TNR: variants seen among roughly 807,000 people sequenced by gnomAD.
TNR encodes the protein tenascin-R.
Under a neutral mutation model 150.4 loss-of-function variants are expected in TNR, and 45 were observed. That is an observed-to-expected ratio of 0.30 (90% confidence interval 0.24 to 0.38). TNR has a LOEUF of 0.38. Ranked by LOEUF, TNR falls within the 10% of genes least tolerant of loss-of-function variation. The pLI, the probability that TNR is intolerant of heterozygous loss-of-function variation, is 1.00. For synonymous variants in TNR, 687 were observed against 678.4 expected (o/e 1.01, Z -0.20); for missense variants, 1,544 against 1,759.1 (o/e 0.88, Z 2.19).
At chr1:175,367,859 G>A (rs999052330) in intron 9 of TNR, among the ~76,000 whole-genome samples, 5 of 152,132 alleles carry the variant, frequency 3.3e-5, no homozygotes, top group African/African-American at 4.8e-5. Flanking sequence ...CAGAAGTCCT[G>A]TTGCTGTAGG....
At chr1:175,454,000 T>C (rs1470544789) in intron 2 of TNR, among the ~76,000 whole-genome samples, 2 of 152,220 alleles carry the variant, frequency 1.3e-5, no homozygotes, top group African/African-American at 4.8e-5. Flanking sequence ...GGGGCCCTGC[T>C]GTCCTCACAG....
intron 1 of TNR, among the ~76,000 whole-genome samples, chr1:175,714,364 T>C (rs1196714803): frequency 6.6e-6 from 1 of 152,128 alleles, no homozygotes; most frequent in Non-Finnish European, 1.5e-5. Context: ...CAATACATAA[T>C]TAAAATAAGC....
chr1:175,447,927 G>A (rs4652090), intron 2 of TNR, among the ~76,000 whole-genome samples: 58,944 of 152,074 alleles, frequency 0.39, 13,438 homozygotes, highest in African/African-American at 0.63. Context: ...GAAACCTTTA[G>A]CACACTGCCT....
At position 175,448,379 on chromosome 1, in the gene TNR, T is replaced by C. The variant is rs549366908; in HGVS notation, c.-63-41602A>G. ...GGTGTGTGCCACCACGCCTGGCTAA[T>C]TTTTGTATTTTTAGTAGAGATGGGG... On this transcript the variant is annotated intron_variant, in intron 2 of 22. Coordinates refer to ENST00000367674, the MANE Select transcript of TNR (RefSeq NM_003285.3). Among the ~76,000 whole-genome samples, 4 of 152,144 alleles carry C rather than the reference T, an allele frequency of 2.6e-5. No individual in the cohort carries two copies. The East Asian group carries it at 7.7e-4, about 29-fold the overall frequency.
intron 1 of TNR, among the ~76,000 whole-genome samples, chr1:175,547,064 G>C (rs980744784): frequency 5.3e-5 from 8 of 152,182 alleles, no homozygotes; most frequent in African/African-American, 1.9e-4. Flanking sequence ...CCATTTAGGA[G>C]GTACCACTAT....
At chr1:175,354,269 A>G (rs1334793401) in intron 18 of TNR, 122 bp downstream of exon 18, 51 of 1,319,390 alleles carry the variant, frequency 3.9e-5, no homozygotes, top group Non-Finnish European at 5.2e-5. Flanking sequence ...AGGGGAAAAG[A>G]AGGAGGAGGC....
chr1:175,506,570 G>A (rs534915749), intron 2 of TNR, among the ~76,000 whole-genome samples: 17 of 152,330 alleles, frequency 1.1e-4, no homozygotes, highest in African/African-American at 2.4e-4. Flanking sequence ...ACACACATGC[G>A]TGGGGAAAAG....
intron 1 of TNR, among the ~76,000 whole-genome samples, chr1:175,685,474 G>A (rs1352406367): frequency 6.6e-6 from 1 of 152,116 alleles, no homozygotes; most frequent in African/African-American, 2.4e-5. Flanking sequence ...GTGGGGATAA[G>A]GTTAAGTTCA....
At chr1:175,410,130 T>C in intron 2 of TNR, among the ~76,000 whole-genome samples, 1 of 152,120 alleles carries the variant, frequency 6.6e-6, no homozygotes, top group South Asian at 2.1e-4. Flanking sequence ...GCTGAATAGA[T>C]AGTGAGGGAA....
rs542182557 is a variant in TNR at position 175,483,181 on chromosome 1, G to A, written c.-64+45088C>T. Among the ~76,000 whole-genome samples, 13 of 152,272 alleles carry A rather than the reference G, an allele frequency of 8.5e-5. No homozygotes were observed. The East Asian group carries it at 1.2e-3, about 14-fold the overall frequency. Reference sequence around the variant, plus strand: ...GCCTTCAAAGGCCCTGTAGCCTACCGGGAAAGACAGTCTAGTCAAGAGATG... The same window carrying A: ...GCCTTCAAAGGCCCTGTAGCCTACCAGGAAAGACAGTCTAGTCAAGAGATG... On this transcript the variant is annotated intron_variant, in intron 2 of 22. Transcript: ENST00000367674.
chr1:175,589,128 G>A (rs1055288356), intron 1 of TNR, among the ~76,000 whole-genome samples: 1 of 152,094 alleles, frequency 6.6e-6, no homozygotes, highest in Non-Finnish European at 1.5e-5. Flanking sequence ...GATTGAGGAG[G>A]GGAAGGGGGG....
chr1:175,742,994 A>ACACC lies in TNR; in HGVS notation c.-165+231_-165+232insGGTG, dbSNP rs1491394442. 6.5e-5 allele frequency among the ~76,000 whole-genome samples: 9 copies of ACACC among 138,338 alleles called. No individual in the cohort carries two copies. In the South Asian group the frequency reaches 1.9e-3, roughly 30 times the overall value. 90.8% of individuals were successfully genotyped at this position (138,338 alleles called of 152,430 possible). A position where few individuals can be genotyped will look rare whatever the true frequency, so the allele number is the denominator to read the frequency against. ...CACACACACACACACACACACACAC[A>ACACC]CCCGCAAGGCCAGAGTCCAATCCCC... is the stretch of plus-strand genomic sequence containing the variant. On this transcript the variant is annotated intron_variant, in intron 1 of 22. Transcript: ENST00000367674.
chr1:175,542,446 A>G (rs1660541299), intron 1 of TNR, among the ~76,000 whole-genome samples: 1 of 152,204 alleles, frequency 6.6e-6, no homozygotes, highest in Admixed American at 6.5e-5. Context: ...TGACTGGCAT[A>G]CAATGAGTCC....
intron 9 of TNR, among the ~76,000 whole-genome samples, chr1:175,370,463 G>A (rs573344954): frequency 2.2e-4 from 33 of 148,256 alleles, no homozygotes; most frequent in African/African-American, 7.9e-4. Flanking sequence ...GTTTGCTGGG[G>A]CTTAGCCTGT....
chr1:175,474,725 G>C (rs1371733420), intron 2 of TNR, among the ~76,000 whole-genome samples: 2 of 152,170 alleles, frequency 1.3e-5, no homozygotes, highest in Non-Finnish European at 2.9e-5. Flanking sequence ...GTTGCCGCTG[G>C]TAAGAGGGAA....
At chr1:175,565,467 C>A (rs530424555) in intron 1 of TNR, among the ~76,000 whole-genome samples, 1 of 152,322 alleles carries the variant, frequency 6.6e-6, no homozygotes, top group Admixed American at 6.5e-5. Flanking sequence ...AATAATAATG[C>A]CACCCACTGG....
At chr1:175,609,714 A>G (rs2101853966) in intron 1 of TNR, among the ~76,000 whole-genome samples, 1 of 152,340 alleles carries the variant, frequency 6.6e-6, no homozygotes, top group Admixed American at 6.5e-5. Flanking sequence ...CAGAAGGCCA[A>G]CTGATAAGTT....
chr1:175,330,412 T>G, intron 20 of TNR, 177 bp from the exon 21 acceptor site: 1 of 621,522 alleles, frequency 1.6e-6, no homozygotes, highest in Non-Finnish European at 2.5e-6. Context: ...ACTGAATTTC[T>G]TCCTGCAAAG....
chr1:175,719,120 C>T (rs904436781), intron 1 of TNR, among the ~76,000 whole-genome samples: 1 of 152,202 alleles, frequency 6.6e-6, no homozygotes, highest in African/African-American at 2.4e-5. Context: ...TCTCAAGTCC[C>T]TCCTTGTCTC....
Sources: allele counts gnomAD v4.1 joint callset (sites outside exome capture counted in the v4.1 genomes callset), GRCh38; gene constraint gnomAD v4.1.1; transcripts MANE v1.5; gene names NCBI Gene and HGNC (gene_info 2026-07-23, HGNC 2026-07-21).